The following ST6GALNAC3 variants were observed in gnomAD, a reference collection of about 807,000 sequenced individuals.
ST6GALNAC3 encodes the protein alpha-N-acetylgalactosaminide alpha-2,6-sialyltransferase 3.
A neutral mutation model predicts 32.7 loss-of-function variants in ST6GALNAC3; 25 were observed. The observed-to-expected ratio is 0.76, with a 90% CI of 0.56 to 1.07. The LOEUF (loss-of-function observed/expected upper bound fraction) is 1.07, where lower values mean the gene tolerates loss of function less well. Among genes scored for constraint, ST6GALNAC3 ranks in the 50% least tolerant of loss-of-function variants. The probability of loss-of-function intolerance (pLI) is 0.00; values close to 1 mark genes in which losing one functional copy is unlikely to be tolerated. For missense variants in ST6GALNAC3, 355 were observed against 382.4 expected (o/e 0.93, Z 0.60); for synonymous variants, 129 against 133.1 (o/e 0.97, Z 0.21).
chr1:76,410,803 A>T (rs1312838655), intron 2 of ST6GALNAC3, among the ~76,000 whole-genome samples: 1 of 152,064 alleles, frequency 6.6e-6, no homozygotes, highest in Non-Finnish European at 1.5e-5. Flanking sequence ...TCACTTCCTA[A>T]CTTAACCAAC....
intron 1 of ST6GALNAC3, among the ~76,000 whole-genome samples, chr1:76,209,224 C>T (rs964639848): frequency 7.2e-5 from 11 of 152,202 alleles, no homozygotes; most frequent in African/African-American, 2.2e-4. Flanking sequence ...TGCTTCTACC[C>T]GGAGTCCATT....
chr1:76,384,998 C>T (rs549772922), intron 2 of ST6GALNAC3, among the ~76,000 whole-genome samples: 8 of 152,140 alleles, frequency 5.3e-5, no homozygotes, highest in Admixed American at 3.3e-4. Context: ...AAGCCAGATG[C>T]AGAGAATGCA....
At chr1:76,193,666 T>A (rs1186075678) in intron 1 of ST6GALNAC3, among the ~76,000 whole-genome samples, 1 of 152,192 alleles carries the variant, frequency 6.6e-6, no homozygotes, top group Non-Finnish European at 1.5e-5. Context: ...CTAACTGTGT[T>A]ACTCATCCTA....
chr1:76,636,449 A>G (rs775042301), downstream of ST6GALNAC3, among the ~76,000 whole-genome samples: 2 of 152,146 alleles, frequency 1.3e-5, no homozygotes, highest in Non-Finnish European at 2.9e-5. Context: ...TGCATAAAAT[A>G]TAATTGCTAT....
intron 2 of ST6GALNAC3, among the ~76,000 whole-genome samples, chr1:76,335,681 T>C (rs927612997): frequency 2.6e-4 from 40 of 152,238 alleles, no homozygotes; most frequent in African/African-American, 8.7e-4. Context: ...GGACTTGCTG[T>C]AATTAATTGA....
chr1:76,342,171 C>T (rs937769543), intron 2 of ST6GALNAC3, among the ~76,000 whole-genome samples: 3 of 152,092 alleles, frequency 2.0e-5, no homozygotes, highest in Admixed American at 6.5e-5. Flanking sequence ...AATAAACATA[C>T]GTGTGTATGT....
chr1:76,333,167 G>T (rs1438656429), intron 2 of ST6GALNAC3, among the ~76,000 whole-genome samples: 1 of 152,166 alleles, frequency 6.6e-6, no homozygotes, highest in Non-Finnish European at 1.5e-5. Flanking sequence ...CAGAGAAAAT[G>T]AGATCAGATT....
intron 3 of ST6GALNAC3, among the ~76,000 whole-genome samples, chr1:76,415,464 C>T (rs1266205445): frequency 1.3e-5 from 2 of 151,972 alleles, no homozygotes; most frequent in African/African-American, 2.4e-5. Flanking sequence ...TCCTTGCATT[C>T]TCTATAGGCG....
chr1:76,112,672 C>T (rs1430151043), intron 1 of ST6GALNAC3, among the ~76,000 whole-genome samples: 1 of 148,270 alleles, frequency 6.7e-6, no homozygotes, highest in Non-Finnish European at 1.5e-5. Context: ...GGGGCGGTTG[C>T]CAGGCAGAGG....
Position 76,545,464 on chromosome 1 carries a change from C to G in ST6GALNAC3, c.624-81988C>G, listed in dbSNP as rs1007300803. Among the ~76,000 whole-genome samples, 3 of 151,990 alleles carry G rather than the reference C, an allele frequency of 2.0e-5. No individual in the cohort carries two copies. The South Asian group carries it at 6.3e-4, about 32-fold the overall frequency. ...TTCCAGATCCTCCTGTTACAGTGTC[C>G]AAGACAGTCCTAATCAACCAGGTTG... is the stretch of plus-strand genomic sequence containing the variant. On this transcript the variant is annotated intron_variant, in intron 3 of 4. Coordinates refer to ENST00000328299, the MANE Select transcript of ST6GALNAC3 (RefSeq NM_152996.4).
At chr1:76,365,376 T>G (rs569560399) in intron 2 of ST6GALNAC3, among the ~76,000 whole-genome samples, 2 of 152,304 alleles carry the variant, frequency 1.3e-5, no homozygotes, top group African/African-American at 4.8e-5. Context: ...TTGGGTACAG[T>G]GTTCACTATT....
rs138986165 is a variant in ST6GALNAC3 at position 76,389,011 on chromosome 1, C to CTTTTTTTTTTTTTTTTTTTTTTTTTTTT, written c.214-22997_214-22996insTTTTTTTTTTTTTTTTTTTTTTTTTTTT. Reference sequence around the variant, plus strand: ...GGTGTGGTTGTTAGTTGGTATATTTCCTTTTTTTTTTTTTTTTGAGACAGA... The same window carrying CTTTTTTTTTTTTTTTTTTTTTTTTTTTT: ...GGTGTGGTTGTTAGTTGGTATATTTCTTTTTTTTTTTTTTTTTTTTTTTTTTTTCTTTTTTTTTTTTTTTTGAGACAGA... On this transcript the variant is annotated intron_variant, in intron 2 of 4. Coordinates refer to ENST00000328299, the MANE Select transcript of ST6GALNAC3 (RefSeq NM_152996.4). Among the ~76,000 whole-genome samples the CTTTTTTTTTTTTTTTTTTTTTTTTTTTT allele has an allele frequency of 2.8e-5, 3 of 107,910 alleles. 1 individual carries two copies. 70.8% of individuals were successfully genotyped at this position (107,910 alleles called of 152,430 possible). A position where few individuals can be genotyped will look rare whatever the true frequency, so the allele number is the denominator to read the frequency against.
chr1:76,525,313 A>G (rs1425525298), intron 3 of ST6GALNAC3, among the ~76,000 whole-genome samples: 4 of 152,170 alleles, frequency 2.6e-5, no homozygotes, highest in Non-Finnish European at 5.9e-5. Context: ...ATAAAAATAG[A>G]TAAGACTATC....
chr1:76,603,815 G>C (rs1647357876), intron 3 of ST6GALNAC3, among the ~76,000 whole-genome samples: 1 of 152,122 alleles, frequency 6.6e-6, no homozygotes, highest in African/African-American at 2.4e-5. Flanking sequence ...TGGGACTACA[G>C]GCACAGCTAA....
At chr1:76,614,260 GA>G in intron 3 of ST6GALNAC3, among the ~76,000 whole-genome samples, 1 of 152,256 alleles carries the variant, frequency 6.6e-6, no homozygotes, top group East Asian at 1.9e-4. Context: ...GACAAATTTT[GA>G]AACAGTGGTT....
Position 76,423,270 on chromosome 1 carries a change from G to A in ST6GALNAC3, c.623+10853G>A, listed in dbSNP as rs555580586. On this transcript the variant is annotated intron_variant, in intron 3 of 4. Transcript: ENST00000328299. ...TTATCTAGGAAGTATATCTACAAAC[G>A]GAAGATCACAAACAGCATTCAGTTC... is the stretch of plus-strand genomic sequence containing the variant. Among the ~76,000 whole-genome samples, 19 of 151,954 alleles carry A rather than the reference G, an allele frequency of 1.3e-4. No individual in the cohort carries two copies. In the South Asian group the frequency reaches 3.3e-3, roughly 27 times the overall value.
chr1:76,272,112 G>T (rs1472406276), intron 1 of ST6GALNAC3, among the ~76,000 whole-genome samples: 2 of 151,956 alleles, frequency 1.3e-5, no homozygotes, highest in African/African-American at 2.4e-5. Context: ...TGGATCATGA[G>T]GTCAAGAGAT....
intron 1 of ST6GALNAC3, among the ~76,000 whole-genome samples, chr1:76,169,183 A>C (rs1652317651): frequency 6.6e-6 from 1 of 152,056 alleles, no homozygotes; most frequent in Admixed American, 6.5e-5. Flanking sequence ...TGTTTGTAAA[A>C]GATTATTTCT....
At chr1:76,248,039 A>C (rs930988776) in intron 1 of ST6GALNAC3, among the ~76,000 whole-genome samples, 4 of 151,878 alleles carry the variant, frequency 2.6e-5, no homozygotes, top group Non-Finnish European at 5.9e-5. Context: ...ACAGTCCTTC[A>C]TGGCTTCTCT....
Sources: gnomAD v4.1 joint callset for allele counts (sites outside exome capture counted in the v4.1 genomes callset) on GRCh38, gnomAD v4.1.1 for gene constraint, MANE v1.5 for transcripts, NCBI Gene and HGNC (gene_info 2026-07-23, HGNC 2026-07-21) for gene names.